The following SLX4 variants were observed in gnomAD, a reference collection of about 807,000 sequenced individuals.
The protein encoded by SLX4 is structure-specific endonuclease subunit SLX4.
SLX4 carries 112 observed loss-of-function variants against 146.2 expected under a neutral mutation model. The observed-to-expected ratio is 0.77, with a 90% confidence interval of 0.66 to 0.90. The LOEUF is 0.90. SLX4 is among the 40% of genes least tolerant of loss of function. The pLI is 0.00. For missense variants in SLX4, 2,563 were observed against 2,392.7 expected, an observed-to-expected ratio of 1.07 and a Z score of -1.49; for synonymous variants, 1,061 against 997.7, an observed-to-expected ratio of 1.06 and a Z score of -1.20.
At chr16:3,587,714 C>G (rs2040523577) in intron 12 of SLX4, among the ~76,000 whole-genome samples, 1 of 151,838 alleles carries the variant, frequency 6.6e-6, no homozygotes, top group African/African-American at 2.4e-5. Flanking sequence ...AAGCAAGGCT[C>G]TGGGGCAGGC....
In SLX4 at chr16:3,590,052, C is replaced by T; in HGVS notation, c.3586G>A (p.Asp1196Asn). The T allele has an allele frequency of 6.2e-7, 1 of 1,614,160 alleles. No homozygotes were observed. Among genetic ancestry groups the T allele is most frequent in the Non-Finnish European group, 8.5e-7 (1 of 1,180,036 alleles). Reference sequence around the variant, plus strand: ...GAAGGTTCCTGATCTGCATCAACATCAATGATGGAAAACAGCTCACAGGAC... The same window carrying T: ...GAAGGTTCCTGATCTGCATCAACATTAATGATGGAAAACAGCTCACAGGAC... ...PRSCELFSII[D>N]VDADQEPSQS... is the part of the protein sequence containing the mutation. The change falls in exon 12 of 15, where the codon GAT becomes AAT. Residue 1196 changes from aspartate (D) to asparagine (N), a missense_variant. By Grantham distance (23) the Asp-to-Asn change is conservative. Coordinates refer to ENST00000294008, the MANE Select transcript of SLX4 (RefSeq NM_032444.4). The surrounding 1 kb of genome is among the most constrained non-coding windows in gnomAD (Gnocchi z 4.8).
chr16:3,605,117 T>A (rs1395960670), intron 3 of SLX4, among the ~76,000 whole-genome samples: 2 of 151,358 alleles, frequency 1.3e-5, no homozygotes, highest in Non-Finnish European at 2.9e-5. Flanking sequence ...TGAGTCAGAG[T>A]CTTGCTCTGT....
At position 3,582,274 on chromosome 16, in the gene SLX4, G is replaced by C; in HGVS notation, c.*68C>G. 1.4e-6 allele frequency: 2 copies of C among 1,426,462 alleles called. No homozygotes were observed. The highest frequency in any genetic ancestry group is 1.2e-5 in the South Asian group (1 of 83,002). 88.4% of individuals were successfully genotyped at this position (1,426,462 alleles called of 1,614,324 possible). A position where few individuals can be genotyped will look rare whatever the true frequency, so the allele number is the denominator to read the frequency against. ...GCCTGACCCACGCTGGGTGTCCCAG[G>C]TCCTCCCTGCAAATGGCGGGGGTGG... On this transcript the variant is annotated 3_prime_UTR_variant, in exon 15 of 15. Coordinates refer to ENST00000294008, the MANE Select transcript of SLX4 (RefSeq NM_032444.4).
At position 3,597,998 on chromosome 16, in the gene SLX4, A is replaced by C; in HGVS notation, c.1165T>G (p.Phe389Val). The C allele has an allele frequency of 1.2e-6, 2 of 1,614,146 alleles. No homozygotes were observed. Among genetic ancestry groups the C allele is most frequent in the Non-Finnish European group, 1.7e-6 (2 of 1,180,036 alleles). ...EGSSSPPMFS[F>V]SDHSRGLKRR... ...TTCAGACCTCTACTGTGATCACTGA[A>C]GCTAGAAAACAGCCAAAGAGAAAAG... The change falls in exon 6 of 15, where the codon TTC (phenylalanine) becomes GTC (valine). Residue 389 changes from phenylalanine (F) to valine (V), a missense_variant and splice_region_variant. Physicochemically the swap from Phe to Val is conservative, Grantham distance 50. Transcript: ENST00000294008. This position sits in a 1 kb window ranked among gnomAD's most constrained non-coding sequence, Gnocchi z 4.4.
At chr16:3,601,780 G>C (rs2040729596) in intron 4 of SLX4, 1 of 358,904 alleles carries the variant, frequency 2.8e-6, no homozygotes, top group Non-Finnish European at 5.3e-6. Flanking sequence ...ACAGAATGTT[G>C]ATTAGTGGTT....
Position 3,595,674 on chromosome 16 carries a change from G to A in SLX4, c.1944C>T (p.Gly648=), listed in dbSNP as rs149315267. 1.6e-5 allele frequency: 26 copies of A among 1,613,934 alleles called. No individual in the cohort carries two copies. The highest frequency in any genetic ancestry group is 1.6e-4 in the Middle Eastern group (1 of 6,084). ...CCACAAACCCAGTCAGAGGAAGGCC[G>A]CCGGGCACCACGTCCAACCCTGAGT... The part of the protein sequence containing the change: ...EGTAGLDVVP[G]GLPLTGFVVP... Residue 648 remains glycine (G), a synonymous_variant, in exon 9 of 15, where the codon GGC becomes GGT. Coordinates refer to ENST00000294008, the MANE Select transcript of SLX4 (RefSeq NM_032444.4).
intron 5 of SLX4, among the ~76,000 whole-genome samples, chr16:3,600,348 T>C (rs1283740480): frequency 1.2e-4 from 18 of 151,946 alleles, no homozygotes; most frequent in Admixed American, 1.1e-3. Context: ...GGCTGGGGGG[T>C]TGGGGACCCC....
intron 3 of SLX4, among the ~76,000 whole-genome samples, chr16:3,604,083 T>A (rs2040757556): frequency 6.6e-6 from 1 of 151,644 alleles, no homozygotes; most frequent in South Asian, 2.1e-4. Context: ...TACAAAAAAA[T>A]TAGCCGGGTG....
rs754004461 is a variant in SLX4, at chr16:3,590,608, A to G, written c.3030T>C (p.Ala1010=). 4 of 1,613,882 alleles carry G rather than the reference A, an allele frequency of 2.5e-6. No homozygotes were observed. Among genetic ancestry groups the G allele is most frequent in the African/African-American group, 1.3e-5 (1 of 75,050 alleles). ...ITSEPEEQSG[A]VRERGLEVSH... ...AAACCTCCAGCCCCCTTTCCCTGAC[A>G]GCGCCACTTTGTTCCTCGGGCTCAC... Residue 1010 remains alanine, a synonymous_variant, in exon 12 of 15, where the codon GCT becomes GCC. Transcript: ENST00000294008. The surrounding 1 kb of genome is among the most constrained non-coding windows in gnomAD (Gnocchi z 4.8).
At chr16:3,595,835 C>G (rs2040646209) in intron 8 of SLX4, 142 bp from the exon 9 acceptor site, 1 of 986,436 alleles carries the variant, frequency 1.0e-6, no homozygotes, top group Non-Finnish European at 1.6e-6. Context: ...TCATGCAAAG[C>G]AAACCCGCAC....
intron 4 of SLX4, 75 bp from the exon 5 acceptor site, chr16:3,601,266 A>C (rs549542013): frequency 8.8e-6 from 13 of 1,480,620 alleles, no homozygotes; most frequent in Non-Finnish European, 1.1e-5. Context: ...GGTCCAGGTC[A>C]ACACAGACGT....
chr16:3,590,611 G>A lies in SLX4; in HGVS notation c.3027C>T (p.Gly1009=), dbSNP rs1278706933. The change falls in exon 12 of 15, where the codon GGC becomes GGT. Residue 1009 remains glycine, a synonymous_variant. Transcript: ENST00000294008. This position sits in a 1 kb window ranked among gnomAD's most constrained non-coding sequence, Gnocchi z 4.8. ...QITSEPEEQS[G]AVRERGLEVS... ...CCTCCAGCCCCCTTTCCCTGACAGC[G>A]CCACTTTGTTCCTCGGGCTCACTTG... 1.9e-5 allele frequency: 31 copies of A among 1,613,838 alleles called. No individual in the cohort carries two copies. Among genetic ancestry groups the A allele is most frequent in the Non-Finnish European group, 2.4e-5 (28 of 1,179,850 alleles).
In SLX4 at chr16:3,609,162, T is replaced by C. The variant is rs1056411276; in HGVS notation, c.-198A>G. The C allele has an allele frequency of 1.7e-6, 1 of 581,658 alleles. No homozygotes were observed. The highest frequency in any genetic ancestry group is 3.0e-6 in the Non-Finnish European group (1 of 334,548). The allele number at this position is 581,658 out of a possible 1,614,324, so 36.0% of individuals were successfully genotyped here. On this transcript the variant is annotated 5_prime_UTR_variant, in exon 2 of 15. Transcript: ENST00000294008. ...CTCACACTTGTAATCCCAGCTCTTT[T>C]GGAGGACGAGGCGGGGGGTGGATCA... is the stretch of plus-strand genomic sequence containing the variant.
intron 12 of SLX4, among the ~76,000 whole-genome samples, chr16:3,586,600 T>C (rs1052366486): frequency 2.0e-5 from 3 of 151,986 alleles, no homozygotes; most frequent in Non-Finnish European, 4.4e-5. Flanking sequence ...CACTTGAGGT[T>C]AGGAGTTCGA....
chr16:3,597,699 G>C lies in SLX4; in HGVS notation c.1367-4C>G. The C allele has an allele frequency of 6.2e-7, 1 of 1,612,892 alleles. No homozygotes were observed. The highest frequency in any genetic ancestry group is 1.3e-5 in the African/African-American group (1 of 75,004). Reference sequence around the variant, plus strand: ...TTCTTCTTGCGACTTTTATTCTCTAGAGAGAAACAAAAGCGACACCATCAA... The same window carrying C: ...TTCTTCTTGCGACTTTTATTCTCTACAGAGAAACAAAAGCGACACCATCAA... On this transcript the variant is annotated splice_polypyrimidine_tract_variant and splice_region_variant and intron_variant, in intron 6 of 14. Coordinates refer to ENST00000294008, the MANE Select transcript of SLX4 (RefSeq NM_032444.4). The surrounding 1 kb of genome is among the most constrained non-coding windows in gnomAD (Gnocchi z 4.4).
chr16:3,605,007 A>G (rs2040767316), intron 3 of SLX4, among the ~76,000 whole-genome samples: 1 of 150,948 alleles, frequency 6.6e-6, no homozygotes, highest in Admixed American at 6.6e-5. Flanking sequence ...CTGCAGCTCA[A>G]CGTCCTGGGC....
At chr16:3,596,056 C>A in intron 8 of SLX4, 97 bp downstream of exon 8, 1 of 1,470,272 alleles carries the variant, frequency 6.8e-7, no homozygotes, top group African/African-American at 1.4e-5. Context: ...GAGCTGCCGT[C>A]GCGGCGGCAC....
chr16:3,587,387 T>C (rs1200516439), intron 12 of SLX4, among the ~76,000 whole-genome samples: 1 of 152,060 alleles, frequency 6.6e-6, no homozygotes, highest in African/African-American at 2.4e-5. Context: ...TCCCAGCTAC[T>C]CGGGAGGCTG....
In SLX4 at chr16:3,596,285, T is replaced by G. The variant is rs1222382673; in HGVS notation, c.1792A>C (p.Arg598=). 1.9e-6 allele frequency: 3 copies of G among 1,570,220 alleles called. No homozygotes were observed. The highest frequency in any genetic ancestry group is 1.7e-6 in the Non-Finnish European group (2 of 1,158,520). ...HGTPTAGCGS[R]GPSPSASQRE... ...TGGCTGGCCGAAGGCGACGGGCCCC[T>G]GGAGCCACAGCCTGCAGTGGGGGTG... is the stretch of plus-strand genomic sequence containing the variant. The change falls in exon 8 of 15, where the codon AGG becomes CGG. Residue 598 remains arginine (R), a synonymous_variant. Transcript: ENST00000294008.
Sources: allele counts gnomAD v4.1 joint callset (sites outside exome capture counted in the v4.1 genomes callset), GRCh38; gene constraint gnomAD v4.1.1; non-coding constraint Gnocchi (gnomAD v3.1); transcripts MANE v1.5; gene names NCBI Gene and HGNC (gene_info 2026-07-23, HGNC 2026-07-21).